Variants in EML6 observed in about 807,000 individuals in gnomAD.
The protein encoded by EML6 is EMAP like 6.
In EML6, 154 loss-of-function variants were observed where a neutral mutation model predicts 240.1. The observed-to-expected ratio is 0.64, with a 90% CI of 0.56 to 0.73. EML6 has a LOEUF of 0.73. Ranked by LOEUF, EML6 falls within the 30% of genes least tolerant of loss-of-function variation. EML6 has a pLI of 0.00. For synonymous variants in EML6, 1,148 were observed against 899.0 expected, an observed-to-expected ratio of 1.28 and a Z score of -4.95; for missense variants, 2,964 against 2,474.6, an observed-to-expected ratio of 1.20 and a Z score of -4.20.
chr2:54,796,664 G>C (rs1271158499), intron 2 of EML6, among the ~76,000 whole-genome samples: 1 of 152,072 alleles, frequency 6.6e-6, no homozygotes, highest in Non-Finnish European at 1.5e-5. Context: ...AGTGCCAAAA[G>C]ACTTACAGAA....
At chr2:54,890,503 C>T (rs1442644009) in intron 17 of EML6, among the ~76,000 whole-genome samples, 2 of 152,128 alleles carry the variant, frequency 1.3e-5, no homozygotes, top group East Asian at 3.8e-4. Flanking sequence ...GTGCAGCATT[C>T]CAAAGTGCCT....
In EML6 at chr2:54,957,737, G is replaced by C. The variant is rs1006829733; in HGVS notation, c.4487-53G>C. On this transcript the variant is annotated intron_variant, in intron 32 of 41. Coordinates refer to ENST00000356458, the MANE Select transcript of EML6 (RefSeq NM_001039753.4). Reference sequence around the variant, plus strand: ...AGACCTCCTGGGCTGCGGCTCCCCCGGCCTGGCCCATGAAGCAATGAGGAG... The same window carrying C: ...AGACCTCCTGGGCTGCGGCTCCCCCCGCCTGGCCCATGAAGCAATGAGGAG... 14 of 1,522,250 alleles carry C rather than the reference G, an allele frequency of 9.2e-6. No individual in the cohort carries two copies. The East Asian group carries it at 1.5e-4, about 16-fold the overall frequency. 94.3% of individuals were successfully genotyped at this position (1,522,250 alleles called of 1,614,324 possible).
At chr2:54,800,074 G>T (rs769281027) in intron 2 of EML6, among the ~76,000 whole-genome samples, 2 of 152,034 alleles carry the variant, frequency 1.3e-5, no homozygotes, top group Non-Finnish European at 2.9e-5. Context: ...GTGAAACCCC[G>T]TCTCTACTAA....
At chr2:54,811,070 C>T (rs562255294) in intron 2 of EML6, among the ~76,000 whole-genome samples, 5 of 151,976 alleles carry the variant, frequency 3.3e-5, no homozygotes, top group African/African-American at 1.2e-4. Flanking sequence ...CTGTTCTCAC[C>T]CCCAGTAGCT....
intron 7 of EML6, among the ~76,000 whole-genome samples, chr2:54,838,195 TACAG>T (rs1303667197): frequency 1.3e-5 from 2 of 152,216 alleles, no homozygotes; most frequent in African/African-American, 4.8e-5. Flanking sequence ...ACTGCCACCT[TACAG>T]GGCTCGGATG....
intron 17 of EML6, among the ~76,000 whole-genome samples, chr2:54,885,394 C>T (rs981402969): frequency 2.0e-5 from 3 of 151,942 alleles, no homozygotes; most frequent in African/African-American, 7.3e-5. Flanking sequence ...TTGTAGTGAG[C>T]CGAGATCATG....
At chr2:54,942,109 C>G (rs1675460699) in intron 28 of EML6, among the ~76,000 whole-genome samples, 1 of 152,110 alleles carries the variant, frequency 6.6e-6, no homozygotes, top group Non-Finnish European at 1.5e-5. Context: ...TGGTTTGAAG[C>G]AAAGCAATGA....
At chr2:54,805,871 A>G (rs1426601774) in intron 2 of EML6, among the ~76,000 whole-genome samples, 2 of 152,102 alleles carry the variant, frequency 1.3e-5, no homozygotes, top group Non-Finnish European at 2.9e-5. Context: ...CCATATGGAT[A>G]CCTAGTTGTT....
At chr2:54,875,367 A>C (rs1307251016) in intron 16 of EML6, among the ~76,000 whole-genome samples, 1 of 152,252 alleles carries the variant, frequency 6.6e-6, no homozygotes, top group Non-Finnish European at 1.5e-5. Flanking sequence ...CGGTGTAAAC[A>C]GGGCACTGAC....
chr2:54,888,907 G>A (rs781765889), intron 17 of EML6, among the ~76,000 whole-genome samples: 29 of 152,306 alleles, frequency 1.9e-4, no homozygotes, highest in Non-Finnish European at 2.4e-4. Context: ...CGTATGGTAA[G>A]AATATGCTTA....
intron 26 of EML6, among the ~76,000 whole-genome samples, chr2:54,917,646 C>G (rs1198026507): frequency 2.0e-5 from 3 of 152,222 alleles, no homozygotes; most frequent in African/African-American, 7.2e-5. Context: ...TGGGCGTGAG[C>G]CACTGCGCCT....
chr2:54,909,101 T>C (rs1455354048), intron 24 of EML6, among the ~76,000 whole-genome samples: 2 of 152,226 alleles, frequency 1.3e-5, no homozygotes, highest in Non-Finnish European at 2.9e-5. Flanking sequence ...TGTTGGGATT[T>C]ATCTGAGGAT....
rs556399426 is a variant in EML6, at chr2:54,839,405, C to T, written c.848-4642C>T. ...TTGTATCTATTGCCTGGTGGACAGA[C>T]GCCATGAGATTGACTTGTCTGATGT... On this transcript the variant is annotated intron_variant, in intron 7 of 41. Transcript: ENST00000356458. 5.9e-5 allele frequency among the ~76,000 whole-genome samples: 9 copies of T among 152,282 alleles called. No homozygotes were observed. The South Asian group carries it at 6.2e-4, about 11-fold the overall frequency.
At position 54,928,401 on chromosome 2, in the gene EML6, C is replaced by A. The variant is rs1274849724; in HGVS notation, c.3764C>A (p.Thr1255Lys). The A allele has an allele frequency of 6.4e-7, 1 of 1,551,422 alleles. No homozygotes were observed. Among genetic ancestry groups the A allele is most frequent in the Non-Finnish European group, 8.7e-7 (1 of 1,146,870 alleles). The change falls in exon 27 of 42, where the codon ACG becomes AAG. Residue 1255 changes from threonine to lysine, a missense_variant. Coordinates refer to ENST00000356458, the MANE Select transcript of EML6 (RefSeq NM_001039753.4). ...RWLHNDSVLL[T>K]VGGADTALMI... Reference sequence around the variant, plus strand: ...CTGCACAATGACTCTGTGCTGCTCACGGTGGGCGGCGCCGACACAGCCCTG... The same window carrying A: ...CTGCACAATGACTCTGTGCTGCTCAAGGTGGGCGGCGCCGACACAGCCCTG...
chr2:54,813,233 C>T lies in EML6; in HGVS notation c.199C>T (p.Leu67Phe), dbSNP rs1300057837. 5.2e-6 allele frequency: 8 copies of T among 1,543,812 alleles called. No homozygotes were observed. The highest frequency in any genetic ancestry group is 7.0e-6 in the Non-Finnish European group (8 of 1,143,062). Residue 67 changes from leucine (L) to phenylalanine (F), a missense_variant and splice_region_variant, in exon 3 of 42, where the codon CTT becomes TTT. Physicochemically the swap from Leu to Phe is conservative, Grantham distance 22. Transcript: ENST00000356458. ...FLGHNDDIISLALHPDKTLVA... is the reference protein window; with the variant it reads ...FLGHNDDIISFALHPDKTLVA... The stretch of plus-strand genomic sequence containing the variant: ...GAAAAGAAACCTTTTCTCTTTCAGC[C>T]TTGCCTTACACCCAGACAAAACTCT...
chr2:54,820,245 T>C, intron 4 of EML6, 149 bp from the exon 5 acceptor site: 1 of 587,760 alleles, frequency 1.7e-6, no homozygotes. Flanking sequence ...AGTTCCTGAC[T>C]CATTCCAAGC....
intron 24 of EML6, among the ~76,000 whole-genome samples, chr2:54,904,148 T>G (rs1040426397): frequency 3.3e-5 from 5 of 151,902 alleles, no homozygotes; most frequent in Non-Finnish European, 1.5e-5. Flanking sequence ...TATAATTGAG[T>G]GAGGGAGATA....
intron 7 of EML6, among the ~76,000 whole-genome samples, chr2:54,834,973 C>T (rs1463730654): frequency 6.6e-6 from 1 of 152,232 alleles, no homozygotes; most frequent in Non-Finnish European, 1.5e-5. Flanking sequence ...TCATCTTACC[C>T]ACAGTCAAAG....
At chr2:54,726,556 A>T (rs1008926505) in intron 2 of EML6, among the ~76,000 whole-genome samples, 6 of 152,158 alleles carry the variant, frequency 3.9e-5, no homozygotes, top group African/African-American at 7.2e-5. Context: ...GGGAGTGCTA[A>T]TGTTCTCAAG....
Sources: gnomAD v4.1 joint callset for allele counts (sites outside exome capture counted in the v4.1 genomes callset) on GRCh38, gnomAD v4.1.1 for gene constraint, MANE v1.5 for transcripts, NCBI Gene and HGNC (gene_info 2026-07-23, HGNC 2026-07-21) for gene names.